DLG2: variants seen among roughly 807,000 people sequenced by gnomAD.
The protein encoded by DLG2 is disks large homolog 2.
A neutral mutation model predicts 132.5 loss-of-function variants in DLG2; 45 were observed. The ratio of observed to expected loss-of-function variants is 0.34; its 90% CI spans 0.27 to 0.44. The LOEUF (loss-of-function observed/expected upper bound fraction) is 0.44. Among genes scored for constraint, DLG2 ranks in the 20% least tolerant of loss-of-function variants. The pLI, the probability that DLG2 is intolerant of heterozygous loss-of-function variation, is 1.00. For missense variants in DLG2, 1,045 were observed against 1,196.9 expected (o/e 0.87, Z 1.87); for synonymous variants, 424 against 419.6 (o/e 1.01, Z -0.13).
rs1447688553 is a variant in DLG2 at position 83,455,658 on chromosome 11, A to G, written c.*4160T>C. The G allele has an allele frequency of 6.5e-6, 1 of 152,696 alleles. No individual in the cohort carries two copies. Among genetic ancestry groups the G allele is most frequent in the Non-Finnish European group, 1.5e-5 (1 of 68,056 alleles). The allele number at this position is 152,696 out of a possible 1,614,324, so 9.5% of individuals were successfully genotyped here. A position where few individuals can be genotyped will look rare whatever the true frequency, so the allele number is the denominator to read the frequency against. On this transcript the variant is annotated 3_prime_UTR_variant, in exon 28 of 28. Coordinates refer to ENST00000376104, the MANE Select transcript of DLG2 (RefSeq NM_001142699.3). The stretch of plus-strand genomic sequence containing the variant: ...GGTTTCAGTGAGGAAGGATATTTAC[A>G]GACTTGAGTGTGTGTGTGTGTTTCC...
chr11:84,611,241 C>A lies in DLG2; in HGVS notation c.358-76510G>T, dbSNP rs114141917. ...AAAGTTTTGGCATATAGTTTGAGGT[C>A]AGCAAACATTTATTTTATTGTATGA... On this transcript the variant is annotated intron_variant, in intron 6 of 27. Coordinates refer to ENST00000376104, the MANE Select transcript of DLG2 (RefSeq NM_001142699.3). 4.2e-3 allele frequency among the ~76,000 whole-genome samples: 632 copies of A among 152,018 alleles called. 9 individuals carry two copies. The highest frequency in any genetic ancestry group is 0.015 in the African/African-American group (607 of 41,446).
chr11:84,334,790 G>A (rs2098476226), intron 7 of DLG2, among the ~76,000 whole-genome samples: 1 of 152,076 alleles, frequency 6.6e-6, no homozygotes, highest in African/African-American at 2.4e-5. Flanking sequence ...AACTTTGATA[G>A]CATGAATAAA....
intron 2 of DLG2, among the ~76,000 whole-genome samples, chr11:85,620,008 C>T (rs7938991): frequency 0.063 from 9,601 of 152,266 alleles, 984 homozygotes; most frequent in African/African-American, 0.22. Flanking sequence ...ACTTTGCAGA[C>T]AACACGTTTT....
chr11:84,228,889 C>G (rs1050788532), intron 8 of DLG2, among the ~76,000 whole-genome samples: 1 of 152,172 alleles, frequency 6.6e-6, no homozygotes. Context: ...AAACTGGGAG[C>G]CTTGGGTATA....
intron 7 of DLG2, among the ~76,000 whole-genome samples, chr11:84,394,380 T>C (rs948944863): frequency 6.6e-6 from 1 of 151,814 alleles, no homozygotes; most frequent in Non-Finnish European, 1.5e-5. Flanking sequence ...TTAGCCTTCA[T>C]TTTTAAAGAC....
intron 7 of DLG2, among the ~76,000 whole-genome samples, chr11:84,488,339 C>G (rs766686400): frequency 4.6e-5 from 7 of 152,038 alleles, no homozygotes; most frequent in African/African-American, 1.7e-4. Context: ...GAATAAAGTT[C>G]GGGTAAGGAT....
intron 7 of DLG2, among the ~76,000 whole-genome samples, chr11:84,435,037 G>T (rs755584421): frequency 1.3e-5 from 2 of 151,228 alleles, no homozygotes; most frequent in Non-Finnish European, 2.9e-5. Flanking sequence ...TCACAATTAA[G>T]TATACTGGTC....
At chr11:84,114,171 G>A (rs1342417572) in intron 9 of DLG2, among the ~76,000 whole-genome samples, 1 of 151,788 alleles carries the variant, frequency 6.6e-6, no homozygotes, top group East Asian at 1.9e-4. Flanking sequence ...AAAAATTTCA[G>A]TTTTAATTTC....
chr11:85,062,541 GAA>G lies in DLG2; in HGVS notation c.357+49118_357+49119del, dbSNP rs777444086. On this transcript the variant is annotated intron_variant, in intron 6 of 27. Transcript: ENST00000376104. ...AAGATAGGTAGTATCACAGACAAATGAAAAAAAAAAACTGACAGGAAAGATAA... is the reference window on the plus strand; with the variant it reads ...AAGATAGGTAGTATCACAGACAAATGAAAAAAAAACTGACAGGAAAGATAA... 1.7e-3 allele frequency among the ~76,000 whole-genome samples: 241 copies of G among 141,048 alleles called. 1 individual carries two copies. Among genetic ancestry groups the G allele is most frequent in the Admixed American group, 2.6e-3 (36 of 14,106 alleles). The allele number at this position is 141,048 out of a possible 152,430, so 92.5% of individuals were successfully genotyped here.
At chr11:85,337,032 T>C (rs2082180551) in intron 3 of DLG2, among the ~76,000 whole-genome samples, 1 of 152,056 alleles carries the variant, frequency 6.6e-6, no homozygotes, top group Non-Finnish European at 1.5e-5. Flanking sequence ...CATAAATAAA[T>C]AAAAGGCAAA....
rs579301 is a variant in DLG2, at chr11:85,618,455, G to A, written c.-93+8132C>T. On this transcript the variant is annotated intron_variant, in intron 2 of 27. Transcript: ENST00000376104. Reference sequence around the variant, plus strand: ...TTATTGACAAAGGCATGAATGAACAGAATGCCTTAATCCAACATTTTAAAA... The same window carrying A: ...TTATTGACAAAGGCATGAATGAACAAAATGCCTTAATCCAACATTTTAAAA... Among the ~76,000 whole-genome samples the A allele has an allele frequency of 1.0e-3, 155 of 152,290 alleles. No homozygotes were observed. In the Middle Eastern group the frequency reaches 0.01, roughly 10 times the overall value.
At chr11:85,457,592 T>C (rs1002269353) in intron 3 of DLG2, among the ~76,000 whole-genome samples, 2 of 152,232 alleles carry the variant, frequency 1.3e-5, no homozygotes, top group African/African-American at 4.8e-5. Flanking sequence ...TTCTTTTCCA[T>C]ATTTAGCACT....
At chr11:85,440,483 A>G (rs2091722896) in intron 3 of DLG2, among the ~76,000 whole-genome samples, 1 of 152,224 alleles carries the variant, frequency 6.6e-6, no homozygotes, top group South Asian at 2.1e-4. Flanking sequence ...CACTTTTCCC[A>G]AGAGTATGCC....
At position 85,115,392 on chromosome 11, in the gene DLG2, G is replaced by C. The variant is rs73525413; in HGVS notation, c.283-3657C>G. On this transcript the variant is annotated intron_variant, in intron 5 of 27. Coordinates refer to ENST00000376104, the MANE Select transcript of DLG2 (RefSeq NM_001142699.3). ...GAGCAATTACTAAGTGCCAGCTATT[G>C]CATTAGGAATAAGGATATATCAAGA... Among the ~76,000 whole-genome samples, 380 of 152,016 alleles carry C rather than the reference G, an allele frequency of 2.5e-3. 2 individuals carry two copies. Among genetic ancestry groups the C allele is most frequent in the African/African-American group, 8.8e-3 (367 of 41,520 alleles).
At chr11:85,282,577 G>T (rs1447655777) in intron 4 of DLG2, among the ~76,000 whole-genome samples, 1 of 151,808 alleles carries the variant, frequency 6.6e-6, no homozygotes, top group Non-Finnish European at 1.5e-5. Context: ...ATGCAGGGAG[G>T]ATAGAGCTGA....
intron 3 of DLG2, among the ~76,000 whole-genome samples, chr11:85,421,012 A>C (rs529524450): frequency 2.8e-4 from 43 of 152,248 alleles, no homozygotes; most frequent in African/African-American, 1.0e-3. Context: ...GATAAAATAA[A>C]AATGAAAAAA....
At chr11:84,814,259 T>C (rs1285358250) in intron 6 of DLG2, among the ~76,000 whole-genome samples, 1 of 152,066 alleles carries the variant, frequency 6.6e-6, no homozygotes, top group Non-Finnish European at 1.5e-5. Flanking sequence ...GAGCAGTGGA[T>C]GAGCATACTA....
intron 4 of DLG2, among the ~76,000 whole-genome samples, chr11:85,191,246 G>C (rs1489593446): frequency 6.7e-6 from 1 of 148,302 alleles, no homozygotes; most frequent in Non-Finnish European, 1.5e-5. Flanking sequence ...ACAAAATGGC[G>C]TATGGTGTAT....
intron 6 of DLG2, among the ~76,000 whole-genome samples, chr11:84,697,233 G>C (rs1355552304): frequency 1.3e-5 from 2 of 151,412 alleles, no homozygotes; most frequent in African/African-American, 4.8e-5. Context: ...ACTGTTTTCT[G>C]TAATTGTTTG....
Sources: allele counts gnomAD v4.1 joint callset (sites outside exome capture counted in the v4.1 genomes callset), GRCh38; gene constraint gnomAD v4.1.1; transcripts MANE v1.5; gene names NCBI Gene and HGNC (gene_info 2026-07-23, HGNC 2026-07-21).